Variants in GABRA3 observed in about 807,000 individuals in gnomAD.
GABRA3 encodes the protein gamma-aminobutyric acid receptor subunit alpha-3.
Under a neutral mutation model 30.1 loss-of-function variants are expected in GABRA3, and 10 were observed. The ratio of observed to expected loss-of-function variants is 0.33; its 90% CI spans 0.20 to 0.56. GABRA3 has a LOEUF of 0.56. GABRA3 is among the 20% of genes least tolerant of loss of function. The pLI, the probability that GABRA3 is intolerant of heterozygous loss-of-function variation, is 0.89. For synonymous variants in GABRA3, 151 were observed against 146.8 expected, an observed-to-expected ratio of 1.03 and a Z score of -0.21; for missense variants, 233 against 392.0, an observed-to-expected ratio of 0.59 and a Z score of 3.42.
chrX:152,447,100 A>AGTT (rs1465821874), intron 1 of GABRA3, among the ~76,000 whole-genome samples: 1 of 100,992 alleles, frequency 9.9e-6, no homozygotes, highest in Non-Finnish European at 2.1e-5. Context: ...CTAATACTAT[A>AGTT]GTTGTTTGTC....
intron 9 of GABRA3, among the ~76,000 whole-genome samples, chrX:152,188,382 A>C (rs1449608760): frequency 9.0e-6 from 1 of 111,341 alleles, no homozygotes; most frequent in South Asian, 3.8e-4. Context: ...AGTGTTATAA[A>C]ATGTAATAAG....
At chrX:152,426,839 T>C (rs1020480013) in intron 1 of GABRA3, among the ~76,000 whole-genome samples, 1 of 112,088 alleles carries the variant, frequency 8.9e-6, no homozygotes, top group Admixed American at 9.5e-5. Flanking sequence ...GATACAACAA[T>C]ATTTTTTATG....
chrX:152,297,458 C>A (rs1398184935), intron 3 of GABRA3, among the ~76,000 whole-genome samples: 1 of 112,217 alleles, frequency 8.9e-6, no homozygotes, highest in African/African-American at 3.2e-5. Flanking sequence ...CAAATGATTT[C>A]ATTTGCCTTT....
At chrX:152,254,436 C>T (rs753499933) in intron 5 of GABRA3, among the ~76,000 whole-genome samples, 17 of 110,636 alleles carry the variant, frequency 1.5e-4, no homozygotes, top group Non-Finnish European at 2.8e-4. Flanking sequence ...TCACCATTCT[C>T]ATTTCTCCAA....
chrX:152,398,976 T>A (rs1603254449), intron 1 of GABRA3, among the ~76,000 whole-genome samples: 1 of 111,676 alleles, frequency 9.0e-6, no homozygotes, highest in East Asian at 2.8e-4. Flanking sequence ...AACATTTTAC[T>A]TTCTCAGAAG....
Position 152,418,990 on chromosome X carries a change from A to C in GABRA3, c.-27+32156T>G, listed in dbSNP as rs755931282. 9.8e-5 allele frequency among the ~76,000 whole-genome samples: 11 copies of C among 111,737 alleles called. No individual in the cohort carries two copies. The East Asian group carries it at 3.1e-3, about 32-fold the overall frequency. ...AAAAGGATGAGCTCATGTCCTCTGT[A>C]GGCACATGGATGAAGCTGGAAACCA... On this transcript the variant is annotated intron_variant, in intron 1 of 9. Coordinates refer to ENST00000370314, the MANE Select transcript of GABRA3 (RefSeq NM_000808.4).
At chrX:152,326,956 C>A in intron 3 of GABRA3, among the ~76,000 whole-genome samples, 1 of 109,214 alleles carries the variant, frequency 9.2e-6, no homozygotes, top group Non-Finnish European at 1.9e-5. Flanking sequence ...ATTCAGGAGA[C>A]CCATTTCACG....
intron 3 of GABRA3, among the ~76,000 whole-genome samples, chrX:152,312,157 A>G (rs1423391701): frequency 8.9e-6 from 1 of 112,256 alleles, no homozygotes; most frequent in African/African-American, 3.2e-5. Flanking sequence ...TACAGATTCA[A>G]TGAGAAGCCC....
chrX:152,201,492 C>A (rs1937483773), intron 7 of GABRA3, among the ~76,000 whole-genome samples: 1 of 112,134 alleles, frequency 8.9e-6, no homozygotes, highest in African/African-American at 3.2e-5. Flanking sequence ...TTGTTAGATT[C>A]TCTCCCTCCT....
At chrX:152,248,168 C>T (rs187647477) in intron 5 of GABRA3, among the ~76,000 whole-genome samples, 96 of 110,483 alleles carry the variant, frequency 8.7e-4, no homozygotes, top group African/African-American at 2.7e-3. Context: ...ACTAGTATTT[C>T]TATTTATCTT....
intron 6 of GABRA3, among the ~76,000 whole-genome samples, chrX:152,222,607 T>C (rs981952758): frequency 1.8e-5 from 2 of 110,310 alleles, no homozygotes; most frequent in African/African-American, 3.3e-5. Context: ...GGCCTGCCTA[T>C]TCATATGATT....
At chrX:152,411,029 G>T (rs1426707883) in intron 1 of GABRA3, among the ~76,000 whole-genome samples, 1 of 111,862 alleles carries the variant, frequency 8.9e-6, no homozygotes, top group African/African-American at 3.2e-5. Context: ...AGGAACGAAG[G>T]ATGCATGTGG....
At chrX:152,351,769 A>C (rs1202666476) in intron 2 of GABRA3, among the ~76,000 whole-genome samples, 1 of 111,605 alleles carries the variant, frequency 9.0e-6, no homozygotes, top group Non-Finnish European at 1.9e-5. Flanking sequence ...TACTAAGCTT[A>C]ATCATTTCTA....
intron 7 of GABRA3, among the ~76,000 whole-genome samples, chrX:152,198,756 A>G (rs1258228235): frequency 7.1e-5 from 8 of 111,889 alleles, no homozygotes; most frequent in Middle Eastern, 4.6e-3. Context: ...TGTCTCACTC[A>G]GACGCTGGCA....
At chrX:152,246,085 T>C (rs780944004) in intron 5 of GABRA3, among the ~76,000 whole-genome samples, 2 of 111,703 alleles carry the variant, frequency 1.8e-5, no homozygotes, top group South Asian at 7.7e-4. Flanking sequence ...GCCTTGTCCA[T>C]GGTTACACTG....
At chrX:152,417,167 A>G (rs1930247273) in intron 1 of GABRA3, among the ~76,000 whole-genome samples, 1 of 108,296 alleles carries the variant, frequency 9.2e-6, no homozygotes, top group African/African-American at 3.4e-5. Context: ...ATGAACTCAA[A>G]CAAATTTACA....
chrX:152,425,558 C>T (rs1930496970), intron 1 of GABRA3, among the ~76,000 whole-genome samples: 1 of 111,421 alleles, frequency 9.0e-6, no homozygotes, highest in Admixed American at 9.5e-5. Context: ...CTGAGTTTGC[C>T]TGACGTTTTC....
chrX:152,275,971 TA>T (rs1274276551), intron 4 of GABRA3, among the ~76,000 whole-genome samples: 1 of 110,289 alleles, frequency 9.1e-6, no homozygotes, highest in African/African-American at 3.3e-5. Context: ...CCGATTTTTT[TA>T]AGGAATGAAA....
chrX:152,245,585 C>T (rs1938449937), intron 5 of GABRA3, among the ~76,000 whole-genome samples: 1 of 111,686 alleles, frequency 9.0e-6, no homozygotes, highest in Non-Finnish European at 1.9e-5. Flanking sequence ...AGGTGTAGCT[C>T]CAACCTCATT....
Sources: gnomAD v4.1 joint callset for allele counts (sites outside exome capture counted in the v4.1 genomes callset) on GRCh38, gnomAD v4.1.1 for gene constraint, MANE v1.5 for transcripts, NCBI Gene and HGNC (gene_info 2026-07-23, HGNC 2026-07-21) for gene names.